Variants in KIF5A observed in about 807,000 individuals in gnomAD.
KIF5A encodes kinesin family member 5A, also known as kinesin heavy chain isoform 5A.
In KIF5A, 35 loss-of-function variants were observed where a neutral mutation model predicts 141.3. The ratio of observed to expected loss-of-function variants is 0.25; its 90% CI spans 0.19 to 0.33. The LOEUF (loss-of-function observed/expected upper bound fraction) is 0.33, where lower values mean the gene tolerates loss of function less well. KIF5A is among the 10% of genes least tolerant of loss of function. The pLI is 1.00. For synonymous variants in KIF5A, 448 were observed against 500.2 expected (o/e 0.90, Z 1.39); for missense variants, 861 against 1,314.3 (o/e 0.66, Z 5.33).
chr12:57,567,331 C>T (rs897347898), intron 7 of KIF5A, 118 bp downstream of exon 7: 36 of 1,249,848 alleles, frequency 2.9e-5, no homozygotes, highest in Middle Eastern at 4.7e-4. Context: ...GGAGGAGGAC[C>T]CCTTGTCTGT....
chr12:57,579,900 A>G (rs1168820046), intron 23 of KIF5A, among the ~76,000 whole-genome samples: 1 of 152,196 alleles, frequency 6.6e-6, no homozygotes, highest in Admixed American at 6.5e-5. Context: ...AAAGTCCCAA[A>G]AAAACAAAAA....
At chr12:57,567,012 G>A in intron 6 of KIF5A, 114 bp from the exon 7 acceptor site, 2 of 440,540 alleles carry the variant, frequency 4.5e-6, no homozygotes, top group South Asian at 5.3e-5. Flanking sequence ...CTGCACTCCA[G>A]CCTGGGCAGA....
rs763041798 is a variant in KIF5A at position 57,581,423 on chromosome 12, G to A, written c.2764G>A (p.Val922Ile). The A allele has an allele frequency of 6.8e-6, 11 of 1,613,812 alleles. No individual in the cohort carries two copies. Among genetic ancestry groups the A allele is most frequent in the Non-Finnish European group, 8.5e-6 (10 of 1,180,004 alleles). The part of the protein sequence containing the change: ...RGHSAQIAKP[V>I]RPGHYPASSP... ...TTCTTTCTTTATTGCAGCCAAACCC[G>A]TCCGGCCTGGCCACTACCCAGCATC... The change falls in exon 25 of 29, where the codon GTC becomes ATC. Residue 922 changes from valine (V) to isoleucine (I), a missense_variant. Transcript: ENST00000455537.
intron 20 of KIF5A, among the ~76,000 whole-genome samples, chr12:57,577,452 G>C (rs1882461908): frequency 6.6e-6 from 1 of 152,048 alleles, no homozygotes; most frequent in Admixed American, 6.6e-5. Flanking sequence ...AAAATTAGCT[G>C]GGCATGGTGG....
rs368628303 is a variant in KIF5A at position 57,569,049 on chromosome 12, C to T, written c.801C>T (p.Ser267=). The T allele has an allele frequency of 3.1e-5, 50 of 1,613,662 alleles. No individual in the cohort carries two copies. In the African/African-American group the frequency reaches 3.2e-4, roughly 10 times the overall value. ...KSLSALGNVI[S]ALAEGTKSYV... is the part of the protein sequence containing the mutation. ...TGTCAGCTCTGGGCAATGTGATCTC[C>T]GCACTGGCTGAGGGCACTGTGAGTG... The change falls in exon 9 of 29, where the codon TCC becomes TCT. Residue 267 remains serine (S), a synonymous_variant. Transcript: ENST00000455537.
In KIF5A at chr12:57,578,253, C is replaced by A; in HGVS notation, c.2449C>A (p.Pro817Thr). ...TRVKKSAEME[P>T]EDSGGIHSQK... Reference sequence around the variant, plus strand: ...CTGTTCTCAGAGTGCAGAAATGGAGCCCGAAGACAGTGGGGGGATTCACTC... The same window carrying A: ...CTGTTCTCAGAGTGCAGAAATGGAGACCGAAGACAGTGGGGGGATTCACTC... Residue 817 changes from proline to threonine, a missense_variant, in exon 23 of 29, where the codon CCC (proline) becomes ACC (threonine). Around this residue, in one of 5 missense-constraint regions of KIF5A, gnomAD observed 482 missense variants for 661.3 expected, o/e 0.73. Transcript: ENST00000455537. 1 of 1,613,764 alleles carries A rather than the reference C, an allele frequency of 6.2e-7. No homozygotes were observed. The highest frequency in any genetic ancestry group is 8.5e-7 in the Non-Finnish European group (1 of 1,179,682).
rs778204772 is a variant in KIF5A, at chr12:57,576,305, G to A, written c.2125G>A (p.Ala709Thr). The A allele has an allele frequency of 1.2e-6, 2 of 1,614,034 alleles. No homozygotes were observed. Among genetic ancestry groups the A allele is most frequent in the Non-Finnish European group, 1.7e-6 (2 of 1,179,954 alleles). ...GCTGCAGATGGAGAGTCACCGGGAGGCCCATCACCGGCAGCTGGCCCGGCT... is the reference window on the plus strand; with the variant it reads ...GCTGCAGATGGAGAGTCACCGGGAGACCCATCACCGGCAGCTGGCCCGGCT... ...LELQMESHRE[A>T]HHRQLARLRD... is the part of the protein sequence containing the mutation. Residue 709 changes from alanine to threonine, a missense_variant, in exon 19 of 29, where the codon GCC (alanine) becomes ACC (threonine). Transcript: ENST00000455537.
intron 1 of KIF5A, among the ~76,000 whole-genome samples, chr12:57,556,630 T>C (rs1881754576): frequency 6.8e-6 from 1 of 146,396 alleles, no homozygotes; most frequent in Non-Finnish European, 1.5e-5. Flanking sequence ...TAACTGGGAA[T>C]GTTTTGAGGG....
Position 57,582,609 on chromosome 12 carries a change from C to G in KIF5A, c.3000C>G (p.Ala1000=), listed in dbSNP as rs1882640066. Residue 1000 remains alanine (A), a synonymous_variant, in exon 27 of 29, where the codon GCC becomes GCG. Coordinates refer to ENST00000455537, the MANE Select transcript of KIF5A (RefSeq NM_004984.4). ...CAATGATGATCTCTTCAGGAAATGC[C>G]ACAGATATCAATGACAATAGGTACA... ...YQKANMDNGN[A]TDINDNRSDL... 2 of 1,611,248 alleles carry G rather than the reference C, an allele frequency of 1.2e-6. No individual in the cohort carries two copies. The highest frequency in any genetic ancestry group is 4.5e-5 in the East Asian group (2 of 44,888).
At chr12:57,566,380 A>G (rs1421124272) in intron 6 of KIF5A, among the ~76,000 whole-genome samples, 1 of 150,264 alleles carries the variant, frequency 6.7e-6, no homozygotes, top group Non-Finnish European at 1.5e-5. Context: ...CTGGCATTAC[A>G]GGCATAAGCC....
At chr12:57,575,013 A>G (rs1312689261) in intron 15 of KIF5A, 71 bp from the exon 16 acceptor site, 6 of 1,433,138 alleles carry the variant, frequency 4.2e-6, no homozygotes, top group Middle Eastern at 1.8e-4. Flanking sequence ...ATGGGTAGGT[A>G]GAAGGTGGGA....
rs77117373 is a variant in KIF5A, at chr12:57,559,559, C to T, written c.130-3880C>T. On this transcript the variant is annotated intron_variant, in intron 1 of 28. Coordinates refer to ENST00000455537, the MANE Select transcript of KIF5A (RefSeq NM_004984.4). ...TTATGATAGTGATATAATTTACATACAGTGTACAGATCTTAGGCAAACAGC... is the reference window on the plus strand; with the variant it reads ...TTATGATAGTGATATAATTTACATATAGTGTACAGATCTTAGGCAAACAGC... Among the ~76,000 whole-genome samples, 637 of 152,266 alleles carry T rather than the reference C, an allele frequency of 4.2e-3. 1 individual carries two copies. Among genetic ancestry groups the T allele is most frequent in the Non-Finnish European group, 6.6e-3 (451 of 68,016 alleles).
rs1882707120 is a variant in KIF5A, at chr12:57,584,689, A to T, written c.*508A>T. 1 of 152,704 alleles carries T rather than the reference A, an allele frequency of 6.5e-6. No individual in the cohort carries two copies. The highest frequency in any genetic ancestry group is 2.4e-5 in the African/African-American group (1 of 41,466). 9.5% of individuals were successfully genotyped at this position (152,704 alleles called of 1,614,324 possible). A position where few individuals can be genotyped will look rare whatever the true frequency, so the allele number is the denominator to read the frequency against. On this transcript the variant is annotated 3_prime_UTR_variant, in exon 29 of 29. Coordinates refer to ENST00000455537, the MANE Select transcript of KIF5A (RefSeq NM_004984.4). ...TGTCTTAGCATCATGAGACAGAGAA[A>T]TAGACTCTTCCTCCCTCCTCTTTCA...
chr12:57,565,248 C>T (rs187165669), intron 6 of KIF5A, among the ~76,000 whole-genome samples: 3 of 151,456 alleles, frequency 2.0e-5, no homozygotes, highest in Admixed American at 1.3e-4. Context: ...AGTGAAACCC[C>T]GTTTCTACTA....
Position 57,568,976 on chromosome 12 carries a change from G to T in KIF5A, c.728G>T (p.Gly243Val). ...CTGCCCTGGTAGGTCAGCAAGACTG[G>T]AGCAGAGGGAGCCGTGCTGGACGAG... is the stretch of plus-strand genomic sequence containing the variant. ...LAGSEKVSKT[G>V]AEGAVLDEAK... Residue 243 changes from glycine (G) to valine (V), a missense_variant, in exon 9 of 29, where the codon GGA becomes GTA. Physicochemically the swap from Gly to Val is moderately radical, Grantham distance 109. Around this residue, in one of 5 missense-constraint regions of KIF5A, gnomAD observed 146 missense variants for 353.4 expected, o/e 0.41. Coordinates refer to ENST00000455537, the MANE Select transcript of KIF5A (RefSeq NM_004984.4). The T allele has an allele frequency of 6.2e-7, 1 of 1,613,748 alleles. No individual in the cohort carries two copies. The highest frequency in any genetic ancestry group is 1.1e-5 in the South Asian group (1 of 91,074).
At chr12:57,580,120 T>C (rs1288727477) in intron 23 of KIF5A, among the ~76,000 whole-genome samples, 1 of 152,090 alleles carries the variant, frequency 6.6e-6, no homozygotes, top group Non-Finnish European at 1.5e-5. Flanking sequence ...CATGGAAGGG[T>C]TTCTAGCTTG....
rs1025412251 is a variant in KIF5A, at chr12:57,550,057, G to A, written c.-215G>A. ...GGGCGGAGAGGCAGAGAGCCCGAAA[G>A]GACCAGACGCCCAGGTCGCCCGCAT... On this transcript the variant is annotated 5_prime_UTR_variant, in exon 1 of 29. Coordinates refer to ENST00000455537, the MANE Select transcript of KIF5A (RefSeq NM_004984.4). The surrounding 1 kb of genome is among the most constrained non-coding windows in gnomAD (Gnocchi z 4.6). 3 of 584,912 alleles carry A rather than the reference G, an allele frequency of 5.1e-6. No homozygotes were observed. The highest frequency in any genetic ancestry group is 9.1e-6 in the Non-Finnish European group (3 of 330,198). The allele number at this position is 584,912 out of a possible 1,614,324, so 36.2% of individuals were successfully genotyped here. A position where few individuals can be genotyped will look rare whatever the true frequency, so the allele number is the denominator to read the frequency against.
chr12:57,570,467 T>C (rs1431387180), intron 12 of KIF5A, among the ~76,000 whole-genome samples: 1 of 152,176 alleles, frequency 6.6e-6, no homozygotes, highest in African/African-American at 2.4e-5. Context: ...GGCACGATTG[T>C]GGTTCACTGC....
At chr12:57,566,276 G>A (rs1882062818) in intron 6 of KIF5A, among the ~76,000 whole-genome samples, 1 of 151,702 alleles carries the variant, frequency 6.6e-6, no homozygotes, top group South Asian at 2.1e-4. Flanking sequence ...ACTTATTTTT[G>A]TATTTTTAGT....
Sources: allele counts gnomAD v4.1 joint callset (sites outside exome capture counted in the v4.1 genomes callset), GRCh38; gene constraint gnomAD v4.1.1; regional missense constraint gnomAD v4.1.1; non-coding constraint Gnocchi (gnomAD v3.1); transcripts MANE v1.5; gene names NCBI Gene and HGNC (gene_info 2026-07-23, HGNC 2026-07-21).